The following IRF6 variants were observed in gnomAD, a reference collection of about 807,000 sequenced individuals.
IRF6 encodes the protein Van der Woude syndrome.
A neutral mutation model predicts 51.4 loss-of-function variants in IRF6; 6 were observed. The ratio of observed to expected loss-of-function variants is 0.12; its 90% CI spans 0.06 to 0.23. The LOEUF is 0.23. Ranked by LOEUF, IRF6 falls within the 10% of genes least tolerant of loss-of-function variation. The pLI, the probability that IRF6 is intolerant of heterozygous loss-of-function variation, is 1.00. For missense variants in IRF6, 348 were observed against 585.2 expected, an observed-to-expected ratio of 0.59 and a Z score of 4.18; for synonymous variants, 178 against 215.7, an observed-to-expected ratio of 0.83 and a Z score of 1.53.
chr1:209,798,376 G>T (rs2102544916), intron 3 of IRF6, among the ~76,000 whole-genome samples: 1 of 152,298 alleles, frequency 6.6e-6, no homozygotes, highest in East Asian at 1.9e-4. Flanking sequence ...TCCTCTGTGT[G>T]CCCACGCTAA....
chr1:209,799,121 T>A (rs2102545779), intron 3 of IRF6, among the ~76,000 whole-genome samples: 1 of 152,284 alleles, frequency 6.6e-6, no homozygotes, highest in African/African-American at 2.4e-5. Context: ...TTCCATACTT[T>A]ATTTCACTTG....
rs1327421106 is a variant in IRF6 at position 209,790,586 on chromosome 1, C to G, written c.969G>C (p.Trp323Cys). The change falls in exon 7 of 9, where the codon TGG (tryptophan) becomes TGC (cysteine). Residue 323 changes from tryptophan to cysteine, a missense_variant. This residue lies in a region of IRF6 where 125 missense variants were observed against 222.0 expected (regional missense o/e 0.56). Coordinates refer to ENST00000367021, the MANE Select transcript of IRF6 (RefSeq NM_006147.4). The surrounding 1 kb of genome is among the most constrained non-coding windows in gnomAD (Gnocchi z 4.8). ...AIRLCQCKVY[W>C]SGPCAPSLVA... ...CAAGTGATGGGGCACATGGCCCAGA[C>G]CAGTACACCTTGCACTGGCACAGCC... 6.2e-7 allele frequency: 1 copy of G among 1,614,100 alleles called. No homozygotes were observed. Among genetic ancestry groups the G allele is most frequent in the Non-Finnish European group, 8.5e-7 (1 of 1,180,046 alleles).
intron 5 of IRF6, among the ~76,000 whole-genome samples, chr1:209,794,026 A>G (rs984303581): frequency 6.6e-6 from 1 of 152,202 alleles, no homozygotes; most frequent in East Asian, 1.9e-4. Context: ...AAGTACTGCA[A>G]TGAACATATG....
At position 209,786,784 on chromosome 1, in the gene IRF6, C is replaced by T. The variant is rs1412566678; in HGVS notation, c.*1636G>A. On this transcript the variant is annotated 3_prime_UTR_variant, in exon 9 of 9. Transcript: ENST00000367021. ...ACTTTAAATAAATAAGTCCTCATGTCACCACTGATTTTGAACTTTTAGTTT... is the reference window on the plus strand; with the variant it reads ...ACTTTAAATAAATAAGTCCTCATGTTACCACTGATTTTGAACTTTTAGTTT... 6.6e-6 allele frequency: 1 copy of T among 152,164 alleles called. No homozygotes were observed. Among genetic ancestry groups the T allele is most frequent in the Non-Finnish European group, 1.5e-5 (1 of 68,032 alleles). 9.4% of individuals were successfully genotyped at this position (152,164 alleles called of 1,614,324 possible).
At chr1:209,793,229 C>CAG (rs2077879910) in intron 5 of IRF6, 1 of 151,962 alleles carries the variant, frequency 6.6e-6, no homozygotes, top group Non-Finnish European at 1.5e-5. Flanking sequence ...TTTTTTAGAT[C>CAG]ATGTCTCATT....
intron 8 of IRF6, 111 bp downstream of exon 8, chr1:209,789,556 G>C (rs2077856351): frequency 2.5e-6 from 2 of 815,706 alleles, no homozygotes; most frequent in Non-Finnish European, 4.4e-6. Flanking sequence ...CATCTGATGA[G>C]ACTGAAACCT....
At chr1:209,791,233 G>T (rs113149056) in intron 6 of IRF6, among the ~76,000 whole-genome samples, 18 of 152,280 alleles carry the variant, frequency 1.2e-4, no homozygotes, top group African/African-American at 3.6e-4. Flanking sequence ...AAAAACTAAG[G>T]TATCTTGTTT....
Position 209,788,324 on chromosome 1 carries a change from G to T in IRF6, c.*96C>A. ...ATCACAAACTTCTAACACTGTTAGA[G>T]AAAAGAGAGATTTAAAAGCTGGTTA... is the stretch of plus-strand genomic sequence containing the variant. On this transcript the variant is annotated 3_prime_UTR_variant, in exon 9 of 9. Coordinates refer to ENST00000367021, the MANE Select transcript of IRF6 (RefSeq NM_006147.4). 1.2e-6 allele frequency: 1 copy of T among 817,928 alleles called. No individual in the cohort carries two copies. The highest frequency in any genetic ancestry group is 2.0e-6 in the Non-Finnish European group (1 of 500,840). 50.7% of individuals were successfully genotyped at this position (817,928 alleles called of 1,614,324 possible). A position where few individuals can be genotyped will look rare whatever the true frequency, so the allele number is the denominator to read the frequency against.
chr1:209,802,666 C>T (rs1038912245), intron 1 of IRF6, among the ~76,000 whole-genome samples: 2 of 152,310 alleles, frequency 1.3e-5, no homozygotes, highest in African/African-American at 4.8e-5. Context: ...ACTTCTCAAG[C>T]CCCACAATGG....
intron 3 of IRF6, among the ~76,000 whole-genome samples, chr1:209,797,499 T>C (rs2077910581): frequency 6.6e-6 from 1 of 151,406 alleles, no homozygotes; most frequent in Non-Finnish European, 1.5e-5. Context: ...CCACACCCCT[T>C]ACCTTACCCT....
At chr1:209,795,439 C>T (rs375838522) in intron 4 of IRF6, 21 bp from the exon 5 acceptor site, 30 of 1,613,232 alleles carry the variant, frequency 1.9e-5, no homozygotes, top group South Asian at 1.1e-4. Context: ...TACACAAGCT[C>T]GCAGGTGAGC....
chr1:209,790,563 A>G lies in IRF6; in HGVS notation c.992T>C (p.Leu331Pro), dbSNP rs765508544. ...TCTCTCAATCAGGTTGGGAGCAACA[A>G]GTGATGGGGCACATGGCCCAGACCA... ...VYWSGPCAPS[L>P]VAPNLIERQK... Residue 331 changes from leucine to proline, a missense_variant, in exon 7 of 9, where the codon CTT becomes CCT. By Grantham distance (98) the Leu-to-Pro change is moderately conservative. Coordinates refer to ENST00000367021, the MANE Select transcript of IRF6 (RefSeq NM_006147.4). The surrounding 1 kb of genome is among the most constrained non-coding windows in gnomAD (Gnocchi z 4.8). 1.2e-5 allele frequency: 19 copies of G among 1,614,244 alleles called. No individual in the cohort carries two copies. The highest frequency in any genetic ancestry group is 1.7e-4 in the Middle Eastern group (1 of 6,060).
At chr1:209,793,463 G>C (rs2077881422) in intron 5 of IRF6, among the ~76,000 whole-genome samples, 1 of 152,164 alleles carries the variant, frequency 6.6e-6, no homozygotes, top group African/African-American at 2.4e-5. Flanking sequence ...CCTTTTAGGG[G>C]GTGAGAATAA....
At chr1:209,805,194 T>G (rs980487545) in intron 1 of IRF6, among the ~76,000 whole-genome samples, 2 of 152,096 alleles carry the variant, frequency 1.3e-5, no homozygotes, top group Admixed American at 1.3e-4. Flanking sequence ...TTTCCCTGAC[T>G]TCCACTCTTG....
At position 209,790,798 on chromosome 1, in the gene IRF6, A is replaced by G; in HGVS notation, c.757T>C (p.Tyr253His). 1 of 1,614,164 alleles carries G rather than the reference A, an allele frequency of 6.2e-7. No homozygotes were observed. ...VSNPQGCRLFYGDLGPMPDQE... is the reference protein window; with the variant it reads ...VSNPQGCRLFHGDLGPMPDQE... ...TCAGGCATGGGACCCAGGTCCCCAT[A>G]GAAGAGTCGGCAGCCCTGAGGGTTG... The change falls in exon 7 of 9, where the codon TAT (tyrosine) becomes CAT (histidine). Residue 253 changes from tyrosine to histidine, a missense_variant. Transcript: ENST00000367021. This position sits in a 1 kb window ranked among gnomAD's most constrained non-coding sequence, Gnocchi z 4.8.
At position 209,786,447 on chromosome 1, in the gene IRF6, A is replaced by C. The variant is rs1252275706; in HGVS notation, c.*1973T>G. 6.6e-6 allele frequency: 1 copy of C among 152,170 alleles called. No homozygotes were observed. The highest frequency in any genetic ancestry group is 2.4e-5 in the African/African-American group (1 of 41,430). The allele number at this position is 152,170 out of a possible 1,614,324, so 9.4% of individuals were successfully genotyped here. ...GATAGCCTGGCTGTTAGCACTTCAC[A>C]GAAGGGATATAGACTGGCCCAGATT... On this transcript the variant is annotated 3_prime_UTR_variant, in exon 9 of 9. Transcript: ENST00000367021.
intron 1 of IRF6, among the ~76,000 whole-genome samples, chr1:209,802,548 G>T (rs1039186315): frequency 6.6e-6 from 1 of 152,192 alleles, no homozygotes; most frequent in Non-Finnish European, 1.5e-5. Flanking sequence ...CCTGGAAAAA[G>T]AACACTCATT....
chr1:209,794,563 T>C (rs1005844040), intron 5 of IRF6, among the ~76,000 whole-genome samples: 10 of 152,204 alleles, frequency 6.6e-5, no homozygotes, highest in Non-Finnish European at 1.5e-5. Context: ...TGCAGCCAGG[T>C]GGTACTAAAA....
chr1:209,791,014 T>C (rs905376059), intron 6 of IRF6, 127 bp from the exon 7 acceptor site: 93 of 1,576,710 alleles, frequency 5.9e-5, no homozygotes, highest in Non-Finnish European at 7.7e-5. Context: ...ACTGCCATAG[T>C]TATCCTTCCT....
Sources: gnomAD v4.1 joint callset for allele counts (sites outside exome capture counted in the v4.1 genomes callset) on GRCh38, gnomAD v4.1.1 for gene constraint, gnomAD v4.1.1 regional missense constraint, Gnocchi (gnomAD v3.1) non-coding constraint, MANE v1.5 for transcripts, NCBI Gene and HGNC (gene_info 2026-07-23, HGNC 2026-07-21) for gene names.